The following FAM180A variants were observed in gnomAD, a reference collection of about 807,000 sequenced individuals.
FAM180A encodes family with sequence similarity 180 member A.
In FAM180A, 14 loss-of-function variants were observed where a neutral mutation model predicts 15.3. The ratio of observed to expected loss-of-function variants is 0.92; its 90% CI spans 0.61 to 1.43. The LOEUF is 1.43. Ranked by LOEUF, FAM180A falls within the 40% of genes most tolerant of loss-of-function variation. The pLI is 0.00. For synonymous variants in FAM180A, 90 were observed against 96.8 expected (o/e 0.93, Z 0.41); for missense variants, 200 against 220.8 (o/e 0.91, Z 0.60).
chr7:135,731,981 TA>T (rs1345972667), intron 3 of FAM180A, among the ~76,000 whole-genome samples: 1 of 152,216 alleles, frequency 6.6e-6, no homozygotes, highest in African/African-American at 2.4e-5. Flanking sequence ...GCTGTAAACT[TA>T]GGAGAAGACA....
intron 3 of FAM180A, 55 bp downstream of exon 3, chr7:135,733,591 C>T (rs1796824281): frequency 3.2e-6 from 3 of 929,668 alleles, no homozygotes; most frequent in South Asian, 9.8e-5. Context: ...AAATAATCCT[C>T]CTGTCTCAGC....
chr7:135,742,930 A>G (rs1426824188), intron 1 of FAM180A, among the ~76,000 whole-genome samples: 1 of 152,240 alleles, frequency 6.6e-6, no homozygotes, highest in Non-Finnish European at 1.5e-5. Context: ...CAGATCTCCA[A>G]GGCTCCAAAA....
chr7:135,743,281 G>C (rs974682000), intron 1 of FAM180A, among the ~76,000 whole-genome samples: 1 of 149,246 alleles, frequency 6.7e-6, no homozygotes, highest in African/African-American at 2.5e-5. Flanking sequence ...GAGGGCAGTG[G>C]TGCAATCTGG....
chr7:135,734,511 T>G (rs1796843171), intron 2 of FAM180A, among the ~76,000 whole-genome samples, 192 bp from the exon 3 acceptor site: 1 of 152,238 alleles, frequency 6.6e-6, no homozygotes, highest in African/African-American at 2.4e-5. Context: ...AGCCTCACTT[T>G]CCTTCTCTGT....
At chr7:135,745,379 T>C (rs557127128) in intron 1 of FAM180A, among the ~76,000 whole-genome samples, 12 of 152,212 alleles carry the variant, frequency 7.9e-5, no homozygotes, top group African/African-American at 1.2e-4. Flanking sequence ...ATATCCTTAA[T>C]AGGTGCATAA....
intron 1 of FAM180A, among the ~76,000 whole-genome samples, chr7:135,745,087 C>A (rs1377040659): frequency 7.4e-6 from 1 of 134,380 alleles, no homozygotes; most frequent in Non-Finnish European, 1.7e-5. Context: ...CTGCTACACC[C>A]AGCTAATTTT....
chr7:135,740,386 C>T (rs193112255), intron 1 of FAM180A, among the ~76,000 whole-genome samples: 4 of 152,312 alleles, frequency 2.6e-5, no homozygotes, highest in South Asian at 2.1e-4. Context: ...GTGTGGAAGA[C>T]GCTGACCCTA....
chr7:135,746,574 A>G (rs60132535), intron 1 of FAM180A, among the ~76,000 whole-genome samples: 2,445 of 152,284 alleles, frequency 0.016, 44 homozygotes, highest in East Asian at 0.076. Context: ...TTGCAAGTCA[A>G]ATAATCCCTT....
In FAM180A at chr7:135,729,977, G is replaced by A; in HGVS notation, c.*634C>T. 1 of 929,500 alleles carries A rather than the reference G, an allele frequency of 1.1e-6. No individual in the cohort carries two copies. The highest frequency in any genetic ancestry group is 1.3e-6 in the Non-Finnish European group (1 of 779,042). The allele number at this position is 929,500 out of a possible 1,614,324, so 57.6% of individuals were successfully genotyped here. ...ACTGCTGTACCATATGCTTAAAAAT[G>A]GTTAAGATGGTACATTTTACCTGAT... On this transcript the variant is annotated 3_prime_UTR_variant, in exon 4 of 4. Transcript: ENST00000338588.
At position 135,734,014 on chromosome 7, in the gene FAM180A, G is replaced by T. The variant is rs573967025; in HGVS notation, c.483C>A (p.His161Gln). 1.2e-6 allele frequency: 2 copies of T among 1,612,918 alleles called. No individual in the cohort carries two copies. The highest frequency in any genetic ancestry group is 1.7e-6 in the Non-Finnish European group (2 of 1,179,410). The change falls in exon 3 of 4, where the codon CAC becomes CAA. Residue 161 changes from histidine (H) to glutamine (Q), a missense_variant. Coordinates refer to ENST00000338588, the MANE Select transcript of FAM180A (RefSeq NM_205855.4). The stretch of plus-strand genomic sequence containing the variant: ...CCGGCTGTGAGGAGCGCATCAAGTC[G>T]TGCCTCAGGGCCTGGAAGAGGCTAA... Reference protein sequence around the residue: ...SLVSLFQALRHDLMRSSQPGV... With the variant: ...SLVSLFQALRQDLMRSSQPGV...
chr7:135,745,503 A>ATG (rs149878365), intron 1 of FAM180A, among the ~76,000 whole-genome samples: 32 of 148,726 alleles, frequency 2.2e-4, no homozygotes, highest in East Asian at 5.9e-4. Context: ...GTGTGTGTGT[A>ATG]TGTGTGTGTG....
In FAM180A at chr7:135,744,170, C is replaced by T. The variant is rs533978904; in HGVS notation, c.76+4335G>A. ...AGTAGCCTGCCTTTGTTTGGCAGCC[C>T]GACCTTCTCTTTGACTTTCTGTAAT... On this transcript the variant is annotated intron_variant, in intron 1 of 3. Transcript: ENST00000338588. Among the ~76,000 whole-genome samples, 15 of 152,274 alleles carry T rather than the reference C, an allele frequency of 9.9e-5. No homozygotes were observed. The South Asian group carries it at 2.5e-3, about 25-fold the overall frequency.
chr7:135,740,547 C>CT (rs902778709), intron 1 of FAM180A, among the ~76,000 whole-genome samples: 5 of 152,164 alleles, frequency 3.3e-5, no homozygotes, highest in African/African-American at 4.8e-5. Context: ...GGCACTGGGA[C>CT]TTTTTCCAGC....
rs768072524 is a variant in FAM180A at position 135,734,692 on chromosome 7, A to G, written c.178-373T>C. Among the ~76,000 whole-genome samples, 81 of 152,166 alleles carry G rather than the reference A, an allele frequency of 5.3e-4. 2 individuals carry two copies. The highest frequency in any genetic ancestry group is 1.3e-4 in the Non-Finnish European group (9 of 68,028). On this transcript the variant is annotated intron_variant, in intron 2 of 3. Transcript: ENST00000338588. ...CTTCCCTTTCTTTTTTCCACCCAAC[A>G]AAGATCATCTAAAGCATCAACTATT...
At position 135,733,871 on chromosome 7, in the gene FAM180A, C is replaced by T. The variant is rs1252223209; in HGVS notation, c.*104G>A. ...TTTGATCTCTGCTGCTCTGTGTCAG[C>T]GGTAAGAGTTTTGTTGCTGGTCTCT... On this transcript the variant is annotated 3_prime_UTR_variant, in exon 3 of 4. Coordinates refer to ENST00000338588, the MANE Select transcript of FAM180A (RefSeq NM_205855.4). 16 of 1,443,690 alleles carry T rather than the reference C, an allele frequency of 1.1e-5. No individual in the cohort carries two copies. The Admixed American group carries it at 1.7e-4, about 15-fold the overall frequency. The allele number at this position is 1,443,690 out of a possible 1,614,324, so 89.4% of individuals were successfully genotyped here. A position where few individuals can be genotyped will look rare whatever the true frequency, so the allele number is the denominator to read the frequency against.
chr7:135,735,537 C>T (rs998276296), intron 2 of FAM180A, among the ~76,000 whole-genome samples: 1 of 152,164 alleles, frequency 6.6e-6, no homozygotes, highest in Non-Finnish European at 1.5e-5. Flanking sequence ...TGCCCGAATT[C>T]ATCCTCCATG....
At position 135,748,707 on chromosome 7, in the gene FAM180A, C is replaced by A; in HGVS notation, c.-127G>T. 1.3e-6 allele frequency: 1 copy of A among 767,426 alleles called. No homozygotes were observed. The highest frequency in any genetic ancestry group is 1.5e-5 in the South Asian group (1 of 65,558). The allele number at this position is 767,426 out of a possible 1,614,324, so 47.5% of individuals were successfully genotyped here. ...TCCCTCCCTTCCTTTTGCAGACGTGCAGAAATGCCTACTCTGCCTCAGAAG... is the reference window on the plus strand; with the variant it reads ...TCCCTCCCTTCCTTTTGCAGACGTGAAGAAATGCCTACTCTGCCTCAGAAG... On this transcript the variant is annotated 5_prime_UTR_variant, in exon 1 of 4. Transcript: ENST00000338588.
intron 2 of FAM180A, 28 bp from the exon 3 acceptor site, chr7:135,734,347 T>A: frequency 1.3e-6 from 2 of 1,557,722 alleles, no homozygotes; most frequent in Non-Finnish European, 1.7e-6. Flanking sequence ...TGTGCAAAAA[T>A]ATGAAGTGAG....
At chr7:135,742,959 T>A (rs1302717769) in intron 1 of FAM180A, among the ~76,000 whole-genome samples, 3 of 152,232 alleles carry the variant, frequency 2.0e-5, no homozygotes, top group East Asian at 3.8e-4. Context: ...CACTGATAAG[T>A]GAACAATGCT....
Sources: gnomAD v4.1 joint callset for allele counts (sites outside exome capture counted in the v4.1 genomes callset) on GRCh38, gnomAD v4.1.1 for gene constraint, MANE v1.5 for transcripts, NCBI Gene and HGNC (gene_info 2026-07-23, HGNC 2026-07-21) for gene names.